EPHA3: variants seen among roughly 807,000 people sequenced by gnomAD.
EPHA3 encodes ephrin type-A receptor 3.
Under a neutral mutation model 107.1 loss-of-function variants are expected in EPHA3, and 42 were observed. That is an observed-to-expected ratio of 0.39 (90% CI 0.31 to 0.51). The LOEUF is 0.51. Ranked by LOEUF, EPHA3 falls within the 20% of genes least tolerant of loss-of-function variation. The pLI, the probability that EPHA3 is intolerant of heterozygous loss-of-function variation, is 0.78. For synonymous variants in EPHA3, 461 were observed against 424.8 expected (o/e 1.09, Z -1.05); for missense variants, 1,183 against 1,211.2 (o/e 0.98, Z 0.35).
intron 3 of EPHA3, among the ~76,000 whole-genome samples, chr3:89,213,748 G>A (rs772479129): frequency 2.0e-5 from 3 of 151,938 alleles, no homozygotes; most frequent in Non-Finnish European, 4.4e-5. Context: ...TGAAATAAAT[G>A]TGGCATTTTT....
chr3:89,474,731 A>C (rs146144430), intron 16 of EPHA3, among the ~76,000 whole-genome samples: 31 of 152,360 alleles, frequency 2.0e-4, no homozygotes, highest in African/African-American at 7.5e-4. Flanking sequence ...TGTGATAAGA[A>C]AGCTATTTGC....
intron 3 of EPHA3, among the ~76,000 whole-genome samples, chr3:89,250,394 A>G (rs1398236400): frequency 6.6e-6 from 1 of 152,190 alleles, no homozygotes; most frequent in African/African-American, 2.4e-5. Flanking sequence ...TTTATCATGT[A>G]ACATCAAGGT....
In EPHA3 at chr3:89,143,055, T is replaced by C. The variant is rs1293150505; in HGVS notation, c.153+15782T>C. On this transcript the variant is annotated intron_variant, in intron 2 of 16. Transcript: ENST00000336596. ...TATTTATAGAATATTCTATAAAATA[T>C]AACTAATGAAAAAATGAAAAGGTTA... is the stretch of plus-strand genomic sequence containing the variant. Among the ~76,000 whole-genome samples the C allele has an allele frequency of 2.6e-5, 4 of 151,026 alleles. No homozygotes were observed. In the East Asian group the frequency reaches 7.7e-4, roughly 29 times the overall value.
At chr3:89,348,395 ATTTGCGTAGAGGTG>A (rs1198522981) in intron 5 of EPHA3, among the ~76,000 whole-genome samples, 3 of 118,338 alleles carry the variant, frequency 2.5e-5, no homozygotes, top group Non-Finnish European at 5.2e-5. Context: ...TTTCTAGTTT[ATTTGCGTAGAGGTG>A]TTTGTAGTAT....
At chr3:89,416,884 T>A (rs1178941654) in intron 10 of EPHA3, among the ~76,000 whole-genome samples, 1 of 151,522 alleles carries the variant, frequency 6.6e-6, no homozygotes, top group East Asian at 1.9e-4. Flanking sequence ...TAGTATGCTA[T>A]CCTTTACAAA....
chr3:89,299,680 G>A (rs1706438606), intron 3 of EPHA3, among the ~76,000 whole-genome samples: 1 of 151,836 alleles, frequency 6.6e-6, no homozygotes, highest in Non-Finnish European at 1.5e-5. Context: ...AAGTGATGGG[G>A]GCAGGATTTG....
At chr3:89,118,446 A>G (rs1707305017) in intron 1 of EPHA3, among the ~76,000 whole-genome samples, 2 of 151,934 alleles carry the variant, frequency 1.3e-5, no homozygotes, top group African/African-American at 4.8e-5. Context: ...GAAGAAAACT[A>G]AAAAGATATA....
chr3:89,440,508 G>A (rs1239350498), intron 13 of EPHA3, among the ~76,000 whole-genome samples: 1 of 152,172 alleles, frequency 6.6e-6, no homozygotes, highest in African/African-American at 2.4e-5. Context: ...CTTCTCTTTA[G>A]AAATCAGAAC....
At chr3:89,282,739 A>G (rs1705979492) in intron 3 of EPHA3, among the ~76,000 whole-genome samples, 1 of 152,136 alleles carries the variant, frequency 6.6e-6, no homozygotes, top group African/African-American at 2.4e-5. Flanking sequence ...TGGGTTATTG[A>G]ATCATGCGTG....
chr3:89,339,033 G>A (rs998757221), intron 3 of EPHA3, among the ~76,000 whole-genome samples: 3 of 152,086 alleles, frequency 2.0e-5, no homozygotes, highest in African/African-American at 4.8e-5. Context: ...ATAACCCTGA[G>A]ATAATAACAG....
chr3:89,448,360 T>G (rs1410271399), intron 13 of EPHA3, among the ~76,000 whole-genome samples: 2 of 152,212 alleles, frequency 1.3e-5, no homozygotes, highest in Non-Finnish European at 2.9e-5. Context: ...TAACTCATTA[T>G]TACTCCTGTT....
At chr3:89,230,012 A>C (rs1391853663) in intron 3 of EPHA3, among the ~76,000 whole-genome samples, 1 of 152,100 alleles carries the variant, frequency 6.6e-6, no homozygotes, top group Non-Finnish European at 1.5e-5. Flanking sequence ...TACCACCTTG[A>C]AATATATAAG....
intron 2 of EPHA3, among the ~76,000 whole-genome samples, chr3:89,190,001 C>T (rs775458782): frequency 3.3e-5 from 5 of 152,130 alleles, no homozygotes; most frequent in East Asian, 1.9e-4. Flanking sequence ...ACAGGTACCT[C>T]GTTCAGAAAT....
At chr3:89,208,028 T>G (rs1237821356) in intron 2 of EPHA3, among the ~76,000 whole-genome samples, 1 of 152,106 alleles carries the variant, frequency 6.6e-6, no homozygotes, top group Non-Finnish European at 1.5e-5. Context: ...GTCAGGGTTA[T>G]GGAAGGCATA....
intron 15 of EPHA3, 62 bp from the exon 16 acceptor site, chr3:89,472,394 GTCAAATTT>G (rs1710420793): frequency 6.6e-7 from 1 of 1,508,408 alleles, no homozygotes; most frequent in South Asian, 1.2e-5. Context: ...CGATGTTAGT[GTCAAATTT>G]TGACACACAG....
chr3:89,195,707 T>G (rs1316101868), intron 2 of EPHA3, among the ~76,000 whole-genome samples: 2 of 152,168 alleles, frequency 1.3e-5, no homozygotes, highest in African/African-American at 2.4e-5. Context: ...TGGGTATCAG[T>G]AATGAGCAAA....
intron 5 of EPHA3, among the ~76,000 whole-genome samples, chr3:89,365,393 A>G (rs996720159): frequency 6.1e-5 from 9 of 148,006 alleles, no homozygotes; most frequent in Non-Finnish European, 1.3e-4. Context: ...GCTGGAGTGG[A>G]CACACACTTA....
chr3:89,392,428 A>C (rs1242343761), intron 5 of EPHA3, among the ~76,000 whole-genome samples: 1 of 150,804 alleles, frequency 6.6e-6, no homozygotes. Flanking sequence ...ACAAGAGTGA[A>C]ACTCCATCGA....
At chr3:89,348,854 T>G (rs1392566400) in intron 5 of EPHA3, among the ~76,000 whole-genome samples, 2 of 139,760 alleles carry the variant, frequency 1.4e-5, no homozygotes, top group Non-Finnish European at 3.1e-5. Context: ...TCTTTATTTC[T>G]GCCTTCATTT....
Sources: allele counts gnomAD v4.1 joint callset (sites outside exome capture counted in the v4.1 genomes callset), GRCh38; gene constraint gnomAD v4.1.1; transcripts MANE v1.5; gene names NCBI Gene and HGNC (gene_info 2026-07-23, HGNC 2026-07-21).